SLIT2: variants seen among roughly 807,000 people sequenced by gnomAD.
SLIT2 encodes slit homolog 2 protein.
Under a neutral mutation model 185.7 loss-of-function variants are expected in SLIT2, and 41 were observed. The ratio of observed to expected loss-of-function variants is 0.22; its 90% CI spans 0.17 to 0.29. The LOEUF is 0.29. SLIT2 is among the 10% of genes least tolerant of loss of function. The pLI is 1.00. For synonymous variants in SLIT2, 693 were observed against 680.2 expected, an observed-to-expected ratio of 1.02 and a Z score of -0.29; for missense variants, 1,571 against 1,909.0, an observed-to-expected ratio of 0.82 and a Z score of 3.30.
intron 4 of SLIT2, among the ~76,000 whole-genome samples, chr4:20,312,339 T>G (rs1305416118): frequency 6.6e-6 from 1 of 152,220 alleles, no homozygotes; most frequent in African/African-American, 2.4e-5. Flanking sequence ...GATTGTAAAT[T>G]TATTCTTTAG....
Position 20,426,494 on chromosome 4 carries a change from T to G in SLIT2, c.396-41258T>G, listed in dbSNP as rs529591515. On this transcript the variant is annotated intron_variant, in intron 4 of 36. Transcript: ENST00000504154. ...GTGTGTTATCCAATCACAGATGACC[T>G]GAAAAGATGCACTGTGTAAGATGCT... Among the ~76,000 whole-genome samples the G allele has an allele frequency of 5.3e-4, 80 of 152,298 alleles. No homozygotes were observed. The South Asian group carries it at 0.015, about 28-fold the overall frequency.
chr4:20,567,772 TA>T (rs1450156720), intron 28 of SLIT2, among the ~76,000 whole-genome samples, 157 bp downstream of exon 28: 1 of 152,042 alleles, frequency 6.6e-6, no homozygotes, highest in African/African-American at 2.4e-5. Flanking sequence ...TATTGCAATA[TA>T]AAAAATAAAT....
intron 22 of SLIT2, among the ~76,000 whole-genome samples, chr4:20,547,721 A>C (rs1012898878): frequency 6.7e-6 from 1 of 150,244 alleles, no homozygotes; most frequent in Non-Finnish European, 1.5e-5. Context: ...ATTTTAATAT[A>C]TTTTTTACAT....
intron 21 of SLIT2, 104 bp downstream of exon 21, chr4:20,542,730 A>G (rs1722909442): frequency 8.2e-7 from 1 of 1,222,930 alleles, no homozygotes; most frequent in Non-Finnish European, 1.2e-6. Context: ...TTTACAAATC[A>G]TATTCTAAGG....
At chr4:20,403,856 A>G (rs548257069) in intron 4 of SLIT2, among the ~76,000 whole-genome samples, 46 of 151,564 alleles carry the variant, frequency 3.0e-4, no homozygotes, top group African/African-American at 1.0e-3. Context: ...TATTCATTCA[A>G]TGAAGACATT....
intron 5 of SLIT2, among the ~76,000 whole-genome samples, chr4:20,478,742 G>A (rs527697017): frequency 9.9e-5 from 15 of 152,176 alleles, no homozygotes; most frequent in African/African-American, 3.4e-4. Flanking sequence ...TGTGTCAGGG[G>A]TAACACTTCA....
rs565055068 is a variant in SLIT2 at position 20,550,742 on chromosome 4, A to T, written c.2490-85A>T. The T allele has an allele frequency of 1.0e-3, 799 of 774,720 alleles. 12 individuals are homozygous for T. The South Asian group carries it at 0.013, about 12-fold the overall frequency. 48.0% of individuals were successfully genotyped at this position (774,720 alleles called of 1,614,324 possible). On this transcript the variant is annotated intron_variant, in intron 24 of 36. Transcript: ENST00000504154. ...TTTTCTGCACTCATTTAAAATGCTTATTATAAACTAAAGTCTCGGAATTTC... is the reference window on the plus strand; with the variant it reads ...TTTTCTGCACTCATTTAAAATGCTTTTTATAAACTAAAGTCTCGGAATTTC...
chr4:20,373,489 A>G (rs996553272), intron 4 of SLIT2, among the ~76,000 whole-genome samples: 1 of 152,042 alleles, frequency 6.6e-6, no homozygotes, highest in South Asian at 2.1e-4. Context: ...TCTTGGTGTA[A>G]ATCCTACTAA....
In SLIT2 at chr4:20,541,464, C is replaced by T; in HGVS notation, c.1988C>T (p.Ala663Val). Residue 663 changes from alanine (A) to valine (V), a missense_variant, in exon 20 of 37, where the codon GCC (alanine) becomes GTC (valine). Ala to Val is a moderately conservative substitution (Grantham distance 64). This residue lies in a region of SLIT2 where 1,202 missense variants were observed against 1,416.4 expected (regional missense o/e 0.85). Transcript: ENST00000504154. ...CCTGTGGCTCTTAGAAACCTCTTGG[C>T]CAATCCTTTTAACTGTAACTGCTAC... ...LHSLSTLNLL[A>V]NPFNCNCYLA... The T allele has an allele frequency of 6.2e-7, 1 of 1,613,802 alleles. No homozygotes were observed. The highest frequency in any genetic ancestry group is 8.5e-7 in the Non-Finnish European group (1 of 1,179,828).
intron 12 of SLIT2, among the ~76,000 whole-genome samples, chr4:20,523,155 G>A (rs1470366740): frequency 6.6e-6 from 1 of 152,110 alleles, no homozygotes; most frequent in Admixed American, 6.5e-5. Flanking sequence ...AGCCTGGTGT[G>A]TTTAAGAAAG....
At chr4:20,515,817 T>C (rs752865228) in intron 11 of SLIT2, among the ~76,000 whole-genome samples, 1 of 152,340 alleles carries the variant, frequency 6.6e-6, no homozygotes, top group South Asian at 2.1e-4. Flanking sequence ...AGTTGTCTTC[T>C]GCCAGCTTTC....
chr4:20,504,693 G>A (rs732037), intron 9 of SLIT2, among the ~76,000 whole-genome samples: 21,733 of 151,806 alleles, frequency 0.14, 2,126 homozygotes, highest in African/African-American at 0.27. Flanking sequence ...ATCAAATCAT[G>A]TGTGAGATTT....
intron 4 of SLIT2, among the ~76,000 whole-genome samples, chr4:20,369,971 T>A (rs1723441437): frequency 6.6e-6 from 1 of 152,122 alleles, no homozygotes; most frequent in African/African-American, 2.4e-5. Flanking sequence ...CGTGAATGAT[T>A]CTTGAAGTGT....
At chr4:20,517,602 T>C (rs1196028568) in intron 11 of SLIT2, among the ~76,000 whole-genome samples, 2 of 152,168 alleles carry the variant, frequency 1.3e-5, no homozygotes, top group Non-Finnish European at 2.9e-5. Context: ...GAAATCTATG[T>C]TTTCTACAAA....
chr4:20,316,585 A>G (rs1228461753), intron 4 of SLIT2, among the ~76,000 whole-genome samples: 1 of 151,880 alleles, frequency 6.6e-6, no homozygotes, highest in East Asian at 1.9e-4. Flanking sequence ...GTAGAAAAAG[A>G]AAGCATTCTG....
intron 16 of SLIT2, among the ~76,000 whole-genome samples, chr4:20,531,392 T>C (rs902263245): frequency 3.9e-5 from 6 of 152,178 alleles, no homozygotes; most frequent in South Asian, 2.1e-4. Context: ...CATGATTCCG[T>C]TTATGCAAAA....
At chr4:20,364,319 G>A in intron 4 of SLIT2, 1 of 978,706 alleles carries the variant, frequency 1.0e-6, no homozygotes, top group Non-Finnish European at 1.2e-6. Context: ...TCAAGTAATT[G>A]AAAAAGGGCC....
intron 26 of SLIT2, among the ~76,000 whole-genome samples, chr4:20,559,453 C>T (rs1451026344): frequency 6.6e-6 from 1 of 151,928 alleles, no homozygotes; most frequent in African/African-American, 2.4e-5. Flanking sequence ...GCATTTGTCT[C>T]AGCATTTGTC....
At chr4:20,337,401 A>G (rs117335608) in intron 4 of SLIT2, among the ~76,000 whole-genome samples, 1,893 of 152,094 alleles carry the variant, frequency 0.012, 97 homozygotes, top group East Asian at 0.075. Flanking sequence ...CCGTGATTCA[A>G]TTACCTCCCA....
Sources: allele counts gnomAD v4.1 joint callset (sites outside exome capture counted in the v4.1 genomes callset), GRCh38; gene constraint gnomAD v4.1.1; regional missense constraint gnomAD v4.1.1; transcripts MANE v1.5; gene names NCBI Gene and HGNC (gene_info 2026-07-23, HGNC 2026-07-21).